Variants in BTBD2 observed in about 807,000 individuals in gnomAD.
BTBD2 encodes the protein BTB domain containing 2.
BTBD2 carries 15 observed loss-of-function variants against 44.0 expected under a neutral mutation model. The ratio of observed to expected loss-of-function variants is 0.34; its 90% confidence interval spans 0.23 to 0.53. BTBD2 has a LOEUF of 0.53. Ranked by LOEUF, BTBD2 falls within the 20% of genes least tolerant of loss-of-function variation. The probability of loss-of-function intolerance (pLI) is 0.95; values close to 1 mark genes in which losing one functional copy is unlikely to be tolerated. For missense variants in BTBD2, 657 were observed against 746.4 expected (o/e 0.88, Z 1.39); for synonymous variants, 443 against 335.9 (o/e 1.32, Z -3.49).
rs79395167 is a variant in BTBD2 at position 1,986,932 on chromosome 19, C to T, written c.1314G>A (p.Thr438=). The change falls in exon 8 of 9, where the codon ACG becomes ACA. Residue 438 remains threonine (T), a synonymous_variant. Coordinates refer to ENST00000255608, the MANE Select transcript of BTBD2 (RefSeq NM_017797.4). ...DSNTVLGQND[T]GFSCDGSAST... ...TGGCTGAGCCGTCGCAGCTGAAGCC[C>T]GTGTCGTTCTGGCCCAAGACGGTGT... 4.5e-5 allele frequency: 73 copies of T among 1,613,322 alleles called. 1 individual carries two copies. In the African/African-American group the frequency reaches 8.1e-4, roughly 18 times the overall value.
chr19:1,998,719 G>A (rs764337290), intron 1 of BTBD2, among the ~76,000 whole-genome samples: 2 of 152,162 alleles, frequency 1.3e-5, no homozygotes, highest in Non-Finnish European at 2.9e-5. Flanking sequence ...ACAGTCCCCA[G>A]GGCCTGCCCA....
intron 1 of BTBD2, among the ~76,000 whole-genome samples, chr19:2,005,699 T>G (rs1013084449): frequency 2.0e-5 from 3 of 151,420 alleles, no homozygotes; most frequent in Non-Finnish European, 2.9e-5. Flanking sequence ...GGAGAATCGC[T>G]TGAACCTGGG....
intron 2 of BTBD2, among the ~76,000 whole-genome samples, chr19:1,996,111 T>G (rs2016248217): frequency 6.6e-6 from 1 of 152,148 alleles, no homozygotes; most frequent in Non-Finnish European, 1.5e-5. Context: ...TATTTAACCC[T>G]ATGTGCAAAG....
chr19:1,985,795 A>T lies in BTBD2; in HGVS notation c.*693T>A, dbSNP rs2016070079. 1 of 152,390 alleles carries T rather than the reference A, an allele frequency of 6.6e-6. No homozygotes were observed. 9.4% of individuals were successfully genotyped at this position (152,390 alleles called of 1,614,324 possible). ...CGCGAGGGCCGTCCAGGGAGGCTGG[A>T]CAGCGGGGGCCTTTATCTGGGCCCA... is the stretch of plus-strand genomic sequence containing the variant. On this transcript the variant is annotated 3_prime_UTR_variant, in exon 9 of 9. Coordinates refer to ENST00000255608, the MANE Select transcript of BTBD2 (RefSeq NM_017797.4).
chr19:2,003,970 T>C (rs2016362570), intron 1 of BTBD2, among the ~76,000 whole-genome samples: 2 of 151,852 alleles, frequency 1.3e-5, no homozygotes, highest in Non-Finnish European at 2.9e-5. Context: ...GGAAATTCCT[T>C]GCAGACAAAG....
chr19:1,989,702 C>T (rs1035473607), intron 5 of BTBD2: 2 of 433,148 alleles, frequency 4.6e-6, no homozygotes, highest in South Asian at 2.3e-5. Flanking sequence ...GTACCTGCAC[C>T]AGCAGGTAGC....
chr19:2,005,164 G>A (rs1055894480), intron 1 of BTBD2, among the ~76,000 whole-genome samples: 3 of 152,216 alleles, frequency 2.0e-5, no homozygotes, highest in Admixed American at 1.3e-4. Context: ...TGTGAACCGC[G>A]GTTTGTTTCT....
At chr19:2,011,563 C>T (rs1216475524) in intron 1 of BTBD2, among the ~76,000 whole-genome samples, 1 of 152,180 alleles carries the variant, frequency 6.6e-6, no homozygotes, top group Non-Finnish European at 1.5e-5. Context: ...CGTTCTGGAC[C>T]AGGTCAGTGC....
At chr19:1,999,588 C>T (rs2016298702) in intron 1 of BTBD2, among the ~76,000 whole-genome samples, 1 of 151,970 alleles carries the variant, frequency 6.6e-6, no homozygotes, top group Admixed American at 6.6e-5. Flanking sequence ...ACTGCTTAAG[C>T]CCAGGAGGTC....
At position 1,990,826 on chromosome 19, in the gene BTBD2, G is replaced by C. The variant is rs8102506; in HGVS notation, c.685-4C>G. The C allele has an allele frequency of 6.4e-7, 1 of 1,557,890 alleles. No homozygotes were observed. Among genetic ancestry groups the C allele is most frequent in the Non-Finnish European group, 8.7e-7 (1 of 1,154,440 alleles). ...GCGGTTCATCGAAGAGTCGCGCCTG[G>C]CAAGAGACATCGACGGGGGGCGCGG... On this transcript the variant is annotated splice_polypyrimidine_tract_variant and splice_region_variant and intron_variant, in intron 3 of 8. Coordinates refer to ENST00000255608, the MANE Select transcript of BTBD2 (RefSeq NM_017797.4).
chr19:2,015,056 G>A (rs978090596), intron 1 of BTBD2, among the ~76,000 whole-genome samples: 2 of 150,876 alleles, frequency 1.3e-5, no homozygotes, highest in Non-Finnish European at 3.0e-5. Flanking sequence ...CCGGAGGGGT[G>A]CAGGGGTCCC....
intron 1 of BTBD2, among the ~76,000 whole-genome samples, chr19:2,004,178 T>C (rs1599357774): frequency 6.6e-6 from 1 of 151,648 alleles, no homozygotes; most frequent in Non-Finnish European, 1.5e-5. Flanking sequence ...ATGTCTCATG[T>C]CCCCTAACAT....
intron 1 of BTBD2, among the ~76,000 whole-genome samples, chr19:2,007,592 T>C (rs988174194): frequency 2.0e-5 from 3 of 152,062 alleles, no homozygotes; most frequent in African/African-American, 7.2e-5. Flanking sequence ...TCCCAGTACT[T>C]TGGGAGGCCG....
At chr19:2,005,162 G>A (rs928707552) in intron 1 of BTBD2, among the ~76,000 whole-genome samples, 4 of 152,076 alleles carry the variant, frequency 2.6e-5, no homozygotes, top group East Asian at 1.9e-4. Context: ...TCTGTGAACC[G>A]CGGTTTGTTT....
chr19:1,997,659 G>A (rs1016387491), intron 1 of BTBD2, among the ~76,000 whole-genome samples, 196 bp from the exon 2 acceptor site: 4 of 152,346 alleles, frequency 2.6e-5, no homozygotes, highest in South Asian at 2.1e-4. Flanking sequence ...ACGGACCCAC[G>A]GCAAGGACAG....
intron 5 of BTBD2, chr19:1,988,488 A>ATAAC (rs1238302649): frequency 1.3e-5 from 2 of 152,430 alleles, no homozygotes; most frequent in South Asian, 2.1e-4. Context: ...ACACAGTTTA[A>ATAAC]TAACTGGTGA....
Position 1,990,144 on chromosome 19 carries a change from A to C in BTBD2, c.848T>G (p.Phe283Cys). 1 of 1,611,722 alleles carries C rather than the reference A, an allele frequency of 6.2e-7. No individual in the cohort carries two copies. Among genetic ancestry groups the C allele is most frequent in the Non-Finnish European group, 8.5e-7 (1 of 1,179,516 alleles). ...CTCGGACCAGCGGACAACGGCATTGAACAGCCGCACCTCACGGATGCCCAG... is the reference window on the plus strand; with the variant it reads ...CTCGGACCAGCGGACAACGGCATTGCACAGCCGCACCTCACGGATGCCCAG... ...DTLGIREVRL[F>C]NAVVRWSEAE... is the part of the protein sequence containing the mutation. The change falls in exon 5 of 9, where the codon TTC (phenylalanine) becomes TGC (cysteine). Residue 283 changes from phenylalanine to cysteine, a missense_variant. By Grantham distance (205) the Phe-to-Cys change is radical. Transcript: ENST00000255608.
At chr19:2,012,885 T>C (rs2016485127) in intron 1 of BTBD2, among the ~76,000 whole-genome samples, 1 of 151,988 alleles carries the variant, frequency 6.6e-6, no homozygotes, top group African/African-American at 2.4e-5. Context: ...ACAGAAAGCC[T>C]GGGATTCTCC....
intron 1 of BTBD2, chr19:2,013,643 G>A: frequency 1.0e-6 from 1 of 987,266 alleles, no homozygotes; most frequent in Non-Finnish European, 1.2e-6. Context: ...GTCTCTGGCT[G>A]AGGTGGGGGT....
Sources: gnomAD v4.1 joint callset for allele counts (sites outside exome capture counted in the v4.1 genomes callset) on GRCh38, gnomAD v4.1.1 for gene constraint, MANE v1.5 for transcripts, NCBI Gene and HGNC (gene_info 2026-07-23, HGNC 2026-07-21) for gene names.